The following TBCEL variants were observed in gnomAD, a reference collection of about 807,000 sequenced individuals.
TBCEL encodes the protein tubulin-specific chaperone cofactor E-like protein.
In TBCEL, 15 loss-of-function variants were observed where a neutral mutation model predicts 44.2. That is an observed-to-expected ratio of 0.34 (90% CI 0.23 to 0.52). TBCEL has a LOEUF of 0.52. Ranked by LOEUF, TBCEL falls within the 20% of genes least tolerant of loss-of-function variation. The pLI is 0.95. For missense variants in TBCEL, 319 were observed against 506.3 expected, an observed-to-expected ratio of 0.63 and a Z score of 3.55; for synonymous variants, 171 against 185.4, an observed-to-expected ratio of 0.92 and a Z score of 0.63.
chr11:121,067,676 G>A (rs1180196451), intron 8 of TBCEL, among the ~76,000 whole-genome samples: 1 of 152,178 alleles, frequency 6.6e-6, no homozygotes, highest in Non-Finnish European at 1.5e-5. Context: ...GGCTTATATA[G>A]CAGTGGTGTG....
chr11:121,057,641 C>T (rs1945645774), intron 6 of TBCEL: 6 of 453,828 alleles, frequency 1.3e-5, no homozygotes, highest in Non-Finnish European at 2.7e-5. Context: ...TGAACATGCA[C>T]AGACTTTTTT....
At chr11:121,039,178 T>C (rs1416856752) in intron 2 of TBCEL, among the ~76,000 whole-genome samples, 1 of 152,242 alleles carries the variant, frequency 6.6e-6, no homozygotes, top group Non-Finnish European at 1.5e-5. Flanking sequence ...ACATATTTTA[T>C]GTTTTAGCAG....
At chr11:121,056,757 T>C (rs929281220) in intron 6 of TBCEL, among the ~76,000 whole-genome samples, 1 of 151,890 alleles carries the variant, frequency 6.6e-6, no homozygotes, top group Non-Finnish European at 1.5e-5. Context: ...CATATGCTTG[T>C]TTGCTATCAG....
chr11:121,087,175 G>C lies in TBCEL; in HGVS notation c.*79G>C, dbSNP rs11602226. The stretch of plus-strand genomic sequence containing the variant: ...GTTTTTAATGTGGTTTTCTTTAGGA[G>C]GGAGAGGTTGTTTTTGTTTTGTTTT... On this transcript the variant is annotated 3_prime_UTR_variant, in exon 9 of 9. Coordinates refer to ENST00000683345, the MANE Select transcript of TBCEL (RefSeq NM_001363644.2). 9.5e-6 allele frequency: 13 copies of C among 1,362,726 alleles called. No individual in the cohort carries two copies. Among genetic ancestry groups the C allele is most frequent in the African/African-American group, 1.5e-5 (1 of 68,092 alleles). The allele number at this position is 1,362,726 out of a possible 1,614,324, so 84.4% of individuals were successfully genotyped here. A position where few individuals can be genotyped will look rare whatever the true frequency, so the allele number is the denominator to read the frequency against.
At chr11:121,055,531 A>G (rs957079783) in intron 6 of TBCEL, among the ~76,000 whole-genome samples, 1 of 151,922 alleles carries the variant, frequency 6.6e-6, no homozygotes, top group Non-Finnish European at 1.5e-5. Context: ...TTTATATTTT[A>G]TACATTAAAG....
At chr11:121,027,149 CTT>C (rs1327215216) in intron 1 of TBCEL, among the ~76,000 whole-genome samples, 5 of 152,024 alleles carry the variant, frequency 3.3e-5, no homozygotes, top group East Asian at 1.9e-4. Context: ...TAAGTGAACT[CTT>C]TATATATTTT....
At chr11:121,057,993 C>T (rs1430892578) in intron 6 of TBCEL, among the ~76,000 whole-genome samples, 1 of 151,790 alleles carries the variant, frequency 6.6e-6, no homozygotes, top group East Asian at 1.9e-4. Flanking sequence ...GAGTTGGTCA[C>T]ATAGCTTTCT....
intron 8 of TBCEL, among the ~76,000 whole-genome samples, chr11:121,081,952 C>G (rs1946133940): frequency 6.6e-6 from 1 of 152,104 alleles, no homozygotes; most frequent in South Asian, 2.1e-4. Context: ...GTCTGCTGGC[C>G]TTACCTATAA....
chr11:121,025,283 C>A (rs1024532570), intron 1 of TBCEL, among the ~76,000 whole-genome samples: 1 of 145,010 alleles, frequency 6.9e-6, no homozygotes, highest in Admixed American at 6.7e-5. Context: ...GGAGCTCTTA[C>A]GTTTCCAGTA....
At chr11:121,043,579 C>T (rs1945372177) in intron 2 of TBCEL, among the ~76,000 whole-genome samples, 2 of 152,108 alleles carry the variant, frequency 1.3e-5, no homozygotes. Context: ...TCAGCCTCTT[C>T]AGGGCTACTG....
intron 2 of TBCEL, among the ~76,000 whole-genome samples, chr11:121,039,402 TC>T (rs1945292133): frequency 6.6e-6 from 1 of 152,260 alleles, no homozygotes; most frequent in Non-Finnish European, 1.5e-5. Flanking sequence ...ATGTGTTATC[TC>T]ATGTATTTCC....
In TBCEL at chr11:121,053,749, T is replaced by C. The variant is rs199743652; in HGVS notation, c.455+17T>C. ...GTTACCAGAGTAAGCCCAGAGAGCATGAGGGCGAGGGAGTTATGTTGCCAT... is the reference window on the plus strand; with the variant it reads ...GTTACCAGAGTAAGCCCAGAGAGCACGAGGGCGAGGGAGTTATGTTGCCAT... On this transcript the variant is annotated intron_variant, in intron 5 of 8. Transcript: ENST00000683345. 2.5e-6 allele frequency: 4 copies of C among 1,610,584 alleles called. No homozygotes were observed. In the East Asian group the frequency reaches 8.9e-5, roughly 36 times the overall value.
intron 4 of TBCEL, among the ~76,000 whole-genome samples, chr11:121,048,612 C>T (rs565747506): frequency 6.6e-5 from 10 of 151,788 alleles, no homozygotes; most frequent in Admixed American, 1.3e-4. Flanking sequence ...AGCTGTCTTC[C>T]GTAGTGCTAC....
At chr11:121,057,687 T>C in intron 6 of TBCEL, 1 of 445,036 alleles carries the variant, frequency 2.2e-6, no homozygotes, top group South Asian at 1.6e-5. Flanking sequence ...AGTATCACAA[T>C]TATTTACATT....
chr11:121,051,194 T>G (rs746935994), intron 4 of TBCEL, among the ~76,000 whole-genome samples: 9 of 151,850 alleles, frequency 5.9e-5, no homozygotes, highest in Admixed American at 1.3e-4. Flanking sequence ...GTCATTATTC[T>G]GAATATTAAT....
At chr11:121,058,517 GT>G in intron 7 of TBCEL, 46 bp downstream of exon 7, 1 of 1,603,902 alleles carries the variant, frequency 6.2e-7, no homozygotes, top group Non-Finnish European at 8.5e-7. Flanking sequence ...AGGCCTTATT[GT>G]TTCATTAAAG....
rs1946046701 is a variant in TBCEL, at chr11:121,077,084, T to C, written c.957-9694T>C. 1.3e-5 allele frequency among the ~76,000 whole-genome samples: 2 copies of C among 152,170 alleles called. 1 individual carries two copies. Among genetic ancestry groups the C allele is most frequent in the South Asian group, 4.1e-4 (2 of 4,832 alleles). Reference sequence around the variant, plus strand: ...TGTTAAGGATTTTTGTGTTTATGCTTATAAAGGGATATTGGTCTGTAATTT... The same window carrying C: ...TGTTAAGGATTTTTGTGTTTATGCTCATAAAGGGATATTGGTCTGTAATTT... On this transcript the variant is annotated intron_variant, in intron 8 of 8. Transcript: ENST00000683345.
chr11:121,069,616 C>A (rs1945887341), intron 8 of TBCEL, among the ~76,000 whole-genome samples: 1 of 152,048 alleles, frequency 6.6e-6, no homozygotes, highest in South Asian at 2.1e-4. Flanking sequence ...CATGGTGAAA[C>A]CCCATTTCTA....
intron 8 of TBCEL, 64 bp downstream of exon 8, chr11:121,060,149 T>C (rs991033889): frequency 5.3e-6 from 6 of 1,138,890 alleles, no homozygotes; most frequent in Non-Finnish European, 6.5e-6. Context: ...AACTCTAGTG[T>C]TAGAGCAAAA....
Sources: gnomAD v4.1 joint callset for allele counts (sites outside exome capture counted in the v4.1 genomes callset) on GRCh38, gnomAD v4.1.1 for gene constraint, MANE v1.5 for transcripts, NCBI Gene and HGNC (gene_info 2026-07-23, HGNC 2026-07-21) for gene names.